Variants in DDX6 observed in about 807,000 individuals in gnomAD.
DDX6 encodes probable ATP-dependent RNA helicase DDX6.
DDX6 carries 7 observed loss-of-function variants against 60.6 expected under a neutral mutation model. That is an observed-to-expected ratio of 0.12 (90% CI 0.07 to 0.22). The LOEUF (loss-of-function observed/expected upper bound fraction) is 0.22, where lower values mean the gene tolerates loss of function less well. Among genes scored for constraint, DDX6 ranks in the 10% least tolerant of loss-of-function variants. The pLI, the probability that DDX6 is intolerant of heterozygous loss-of-function variation, is 1.00. For missense variants in DDX6, 270 were observed against 589.9 expected (o/e 0.46, Z 5.62); for synonymous variants, 207 against 201.0 (o/e 1.03, Z -0.25).
chr11:118,774,123 G>GAGT (rs1388772089), intron 4 of DDX6, among the ~76,000 whole-genome samples: 4 of 152,018 alleles, frequency 2.6e-5, no homozygotes, highest in African/African-American at 9.7e-5. Context: ...CACCTTCTTA[G>GAGT]AGTTTCGAAA....
rs986375876 is a variant in DDX6 at position 118,763,885 on chromosome 11, T to C, written c.647-579A>G. ...GAAAGAGAAGAAACACATTGTGTTA[T>C]AGAGGTGGAAATAACACAAAAAGGC... On this transcript the variant is annotated intron_variant, in intron 6 of 13. Transcript: ENST00000534980. Among the ~76,000 whole-genome samples the C allele has an allele frequency of 4.0e-4, 60 of 150,110 alleles. 1 individual carries two copies. Among genetic ancestry groups the C allele is most frequent in the South Asian group, 6.3e-4 (3 of 4,744 alleles).
In DDX6 at chr11:118,748,489, T is replaced by G. The variant is rs1860636125; in HGVS notation, c.*3616A>C. On this transcript the variant is annotated 3_prime_UTR_variant, in exon 14 of 14. Transcript: ENST00000534980. Reference sequence around the variant, plus strand: ...CTTCAGCTCTCATGAGGCCAATAATTTTGATAAAGGTATCTGGCAGGAAAA... The same window carrying G: ...CTTCAGCTCTCATGAGGCCAATAATGTTGATAAAGGTATCTGGCAGGAAAA... 6.6e-6 allele frequency: 1 copy of G among 152,126 alleles called. No individual in the cohort carries two copies. Among genetic ancestry groups the G allele is most frequent in the African/African-American group, 2.4e-5 (1 of 41,418 alleles). 9.4% of individuals were successfully genotyped at this position (152,126 alleles called of 1,614,324 possible).
At chr11:118,764,629 C>G (rs1301187088) in intron 6 of DDX6, among the ~76,000 whole-genome samples, 2 of 151,986 alleles carry the variant, frequency 1.3e-5, no homozygotes, top group Non-Finnish European at 2.9e-5. Context: ...ACGGTGAAAC[C>G]CCGTCTCTAC....
Position 118,754,103 on chromosome 11 carries a change from AAAC to A in DDX6, c.*7+599_*7+601del, listed in dbSNP as rs1209352578. 8.5e-5 allele frequency among the ~76,000 whole-genome samples: 13 copies of A among 152,224 alleles called. No individual in the cohort carries two copies. In the South Asian group the frequency reaches 2.1e-3, roughly 24 times the overall value. On this transcript the variant is annotated intron_variant, in intron 13 of 13. Coordinates refer to ENST00000534980, the MANE Select transcript of DDX6 (RefSeq NM_004397.6). ...ACAGAGCAAGACTCTCAAAAAACAAAAACAACAAAAATCCCCCCTACAAAACTG... is the reference window on the plus strand; with the variant it reads ...ACAGAGCAAGACTCTCAAAAAACAAAAACAAAAATCCCCCCTACAAAACTG...
In DDX6 at chr11:118,755,517, A is replaced by AG; in HGVS notation, c.1175-15dup. The AG allele has an allele frequency of 7.1e-7, 1 of 1,414,778 alleles. No homozygotes were observed. The highest frequency in any genetic ancestry group is 2.3e-5 in the East Asian group (1 of 43,910). The allele number at this position is 1,414,778 out of a possible 1,614,324, so 87.6% of individuals were successfully genotyped here. On this transcript the variant is annotated splice_polypyrimidine_tract_variant and intron_variant, in intron 11 of 13. Coordinates refer to ENST00000534980, the MANE Select transcript of DDX6 (RefSeq NM_004397.6). ...GGGTAAACAGATCTTAAAAAAAAAA[A>AG]GATAATTTTCATTTTTTCAATTTAG...
intron 4 of DDX6, among the ~76,000 whole-genome samples, chr11:118,769,204 G>C (rs1861454181): frequency 6.6e-6 from 1 of 152,004 alleles, no homozygotes; most frequent in African/African-American, 2.4e-5. Flanking sequence ...ACACCAATTT[G>C]ACCACAGTGA....
chr11:118,783,542 C>T (rs867110899), intron 2 of DDX6, among the ~76,000 whole-genome samples: 14 of 151,916 alleles, frequency 9.2e-5, no homozygotes, highest in Admixed American at 2.0e-4. Flanking sequence ...GTGGCTCACG[C>T]CTGTAATCCC....
At chr11:118,754,965 A>G (rs1037432799) in intron 12 of DDX6, 78 bp from the exon 13 acceptor site, 1 of 1,242,466 alleles carries the variant, frequency 8.0e-7, no homozygotes, top group Non-Finnish European at 1.1e-6. Flanking sequence ...AGCAGTGGCA[A>G]AACCACACAG....
chr11:118,785,914 G>C (rs1033213734), intron 2 of DDX6, 138 bp downstream of exon 2: 22 of 703,640 alleles, frequency 3.1e-5, no homozygotes, highest in East Asian at 5.8e-5. Context: ...ATACCTACTG[G>C]CCATAAAACA....
Position 118,759,000 on chromosome 11 carries a change from C to A in DDX6, c.865-98G>T, listed in dbSNP as rs17122423. 0.011 allele frequency: 15,697 copies of A among 1,485,228 alleles called. 1,363 individuals carry two copies. In the African/African-American group the frequency reaches 0.19, roughly 18 times the overall value. 92.0% of individuals were successfully genotyped at this position (1,485,228 alleles called of 1,614,324 possible). On this transcript the variant is annotated intron_variant, in intron 8 of 13. Transcript: ENST00000534980. The stretch of plus-strand genomic sequence containing the variant: ...ACCCTATACGTTTCTGTCCGATAAA[C>A]TCTTGCTGTAAGGGACGCAACTCTC...
At chr11:118,772,069 G>A (rs201427484) in intron 4 of DDX6, among the ~76,000 whole-genome samples, 1 of 152,060 alleles carries the variant, frequency 6.6e-6, no homozygotes, top group Non-Finnish European at 1.5e-5. Flanking sequence ...AACTTCATAA[G>A]GTTAAAGCAG....
At chr11:118,761,857 A>T (rs1210020857) in intron 7 of DDX6, among the ~76,000 whole-genome samples, 4 of 77,222 alleles carry the variant, frequency 5.2e-5, no homozygotes, top group African/African-American at 1.7e-4. Context: ...GTAAAAATTA[A>T]ATGGAAAAAA....
intron 6 of DDX6, among the ~76,000 whole-genome samples, chr11:118,763,518 G>A (rs952107934): frequency 6.0e-5 from 9 of 149,328 alleles, no homozygotes; most frequent in African/African-American, 1.7e-4. Flanking sequence ...AACATTGTAT[G>A]CAGCACATGA....
At chr11:118,789,718 G>C (rs1385302458) in intron 1 of DDX6, 1 of 152,114 alleles carries the variant, frequency 6.6e-6, no homozygotes, top group Non-Finnish European at 1.5e-5. Flanking sequence ...AGGATGAAAA[G>C]GGCAACCTCT....
intron 5 of DDX6, chr11:118,767,913 T>A (rs1409584975): frequency 9.9e-6 from 2 of 201,576 alleles, no homozygotes; most frequent in South Asian, 9.2e-5. Flanking sequence ...GATTACAGGC[T>A]GTGAGGCACC....
chr11:118,760,123 A>T, intron 7 of DDX6, 79 bp from the exon 8 acceptor site: 1 of 1,297,146 alleles, frequency 7.7e-7, no homozygotes, highest in Non-Finnish European at 1.1e-6. Flanking sequence ...TCAAAGAATA[A>T]GGCATCATCC....
chr11:118,756,335 C>T lies in DDX6; in HGVS notation c.1111-12G>A. ...CGATTTCGATGTTCCTAGGAGAAAGCAATGTATTCCATTTGATTAACACTC... is the reference window on the plus strand; with the variant it reads ...CGATTTCGATGTTCCTAGGAGAAAGTAATGTATTCCATTTGATTAACACTC... On this transcript the variant is annotated splice_polypyrimidine_tract_variant and intron_variant, in intron 10 of 13. Coordinates refer to ENST00000534980, the MANE Select transcript of DDX6 (RefSeq NM_004397.6). The T allele has an allele frequency of 6.2e-7, 1 of 1,608,122 alleles. No homozygotes were observed. The highest frequency in any genetic ancestry group is 8.5e-7 in the Non-Finnish European group (1 of 1,174,864).
chr11:118,765,371 G>C lies in DDX6; in HGVS notation c.500-16C>G. 1 of 1,613,358 alleles carries C rather than the reference G, an allele frequency of 6.2e-7. No individual in the cohort carries two copies. Among genetic ancestry groups the C allele is most frequent in the South Asian group, 1.1e-5 (1 of 91,050 alleles). On this transcript the variant is annotated splice_polypyrimidine_tract_variant and intron_variant, in intron 5 of 13. Coordinates refer to ENST00000534980, the MANE Select transcript of DDX6 (RefSeq NM_004397.6). ...ATCACCATTGCTGAAACAGTATCAA[G>C]GAATATATAAGAAAATATGGGGTGA...
chr11:118,761,045 CAGA>C (rs1861149073), intron 7 of DDX6, among the ~76,000 whole-genome samples: 2 of 151,810 alleles, frequency 1.3e-5, no homozygotes, highest in African/African-American at 4.8e-5. Context: ...GAGGCTGAGG[CAGA>C]AGAACTGCTT....
Sources: allele counts gnomAD v4.1 joint callset (sites outside exome capture counted in the v4.1 genomes callset), GRCh38; gene constraint gnomAD v4.1.1; transcripts MANE v1.5; gene names NCBI Gene and HGNC (gene_info 2026-07-23, HGNC 2026-07-21).